CDH4: variants seen among roughly 807,000 people sequenced by gnomAD.
CDH4 encodes the protein cadherin-4.
Under a neutral mutation model 86.0 loss-of-function variants are expected in CDH4, and 33 were observed. The ratio of observed to expected loss-of-function variants is 0.38; its 90% CI spans 0.29 to 0.51. The LOEUF is 0.51. Ranked by LOEUF, CDH4 falls within the 20% of genes least tolerant of loss-of-function variation. The probability of loss-of-function intolerance (pLI) is 0.86; values close to 1 mark genes in which losing one functional copy is unlikely to be tolerated. For synonymous variants in CDH4, 555 were observed against 549.4 expected (o/e 1.01, Z -0.14); for missense variants, 1,114 against 1,307.4 (o/e 0.85, Z 2.28).
At chr20:61,910,254 G>C (rs949498656) in intron 8 of CDH4, among the ~76,000 whole-genome samples, 168 bp from the exon 9 acceptor site, 1 of 149,736 alleles carries the variant, frequency 6.7e-6, no homozygotes, top group Non-Finnish European at 1.5e-5. Flanking sequence ...GTGAACACTC[G>C]TTGAGCTGGG....
intron 2 of CDH4, among the ~76,000 whole-genome samples, chr20:61,382,656 C>T (rs6121652): frequency 4.6e-5 from 7 of 152,006 alleles, no homozygotes; most frequent in Non-Finnish European, 5.9e-5. Context: ...CTGAAGCTTC[C>T]GGGGAGGCCC....
chr20:61,256,720 G>T (rs975336928), intron 2 of CDH4, among the ~76,000 whole-genome samples: 1 of 152,200 alleles, frequency 6.6e-6, no homozygotes. Context: ...CCAGCCCAGG[G>T]CTGGTTCAGG....
chr20:61,662,343 A>G (rs549654125), intron 2 of CDH4, among the ~76,000 whole-genome samples: 1 of 152,370 alleles, frequency 6.6e-6, no homozygotes, highest in African/African-American at 2.4e-5. Context: ...CGCACAGCGC[A>G]ACCTCTGTCA....
intron 2 of CDH4, among the ~76,000 whole-genome samples, chr20:61,579,210 C>A (rs111938635): frequency 6.6e-6 from 1 of 152,132 alleles, no homozygotes; most frequent in Admixed American, 6.6e-5. Context: ...CACTTTACCC[C>A]ACTCGAGCAG....
intron 2 of CDH4, among the ~76,000 whole-genome samples, chr20:61,711,492 G>C (rs761335345): frequency 6.6e-6 from 1 of 152,166 alleles, no homozygotes; most frequent in Admixed American, 6.5e-5. Flanking sequence ...CCTGTGTTCC[G>C]ACTCTGCCTT....
intron 2 of CDH4, among the ~76,000 whole-genome samples, chr20:61,389,934 G>A (rs543082025): frequency 1.4e-5 from 2 of 146,686 alleles, no homozygotes; most frequent in East Asian, 2.0e-4. Context: ...ACCCCGATTG[G>A]GTTCGTGCGG....
intron 2 of CDH4, among the ~76,000 whole-genome samples, chr20:61,705,531 A>G (rs767862740): frequency 2.0e-5 from 3 of 152,030 alleles, no homozygotes; most frequent in African/African-American, 2.4e-5. Flanking sequence ...TCCTCGGCCC[A>G]TGGCCATTCA....
intron 4 of CDH4, among the ~76,000 whole-genome samples, chr20:61,799,661 C>T (rs1056725114): frequency 6.6e-6 from 1 of 152,196 alleles, no homozygotes; most frequent in Non-Finnish European, 1.5e-5. Flanking sequence ...GCTGGGGTAT[C>T]TGCACAAAGG....
At chr20:61,772,204 C>T (rs368039002) in intron 3 of CDH4, among the ~76,000 whole-genome samples, 6 of 152,314 alleles carry the variant, frequency 3.9e-5, no homozygotes, top group African/African-American at 1.4e-4. Context: ...CTTTGCCCCA[C>T]GTCACATGAG....
chr20:61,877,836 A>C (rs1042650929), intron 7 of CDH4, among the ~76,000 whole-genome samples: 6 of 152,130 alleles, frequency 3.9e-5, no homozygotes, highest in African/African-American at 4.8e-5. Flanking sequence ...GGGGACGGTC[A>C]TGGGGCTGGA....
In CDH4 at chr20:61,427,393, G is replaced by A. The variant is rs993625714; in HGVS notation, c.169+172456G>A. ...GGCCAGAGGCATTAGCAATTTTTCTGCAGGGGTTTTTAGAGGCTGTGGCAT... is the reference window on the plus strand; with the variant it reads ...GGCCAGAGGCATTAGCAATTTTTCTACAGGGGTTTTTAGAGGCTGTGGCAT... On this transcript the variant is annotated intron_variant, in intron 2 of 15. Transcript: ENST00000614565. Among the ~76,000 whole-genome samples the A allele has an allele frequency of 9.8e-5, 15 of 152,326 alleles. 1 individual carries two copies. The South Asian group carries it at 2.7e-3, about 27-fold the overall frequency.
intron 2 of CDH4, among the ~76,000 whole-genome samples, chr20:61,537,505 A>G (rs1448315189): frequency 6.6e-6 from 1 of 152,160 alleles, no homozygotes; most frequent in Non-Finnish European, 1.5e-5. Context: ...TGCCCTCATC[A>G]AGAGCTCTCT....
intron 2 of CDH4, among the ~76,000 whole-genome samples, chr20:61,376,002 C>A (rs2084869397): frequency 9.4e-6 from 1 of 106,582 alleles, no homozygotes; most frequent in African/African-American, 3.9e-5. Flanking sequence ...GTGTGATGGT[C>A]TTGGTGGTGG....
chr20:61,783,722 G>A (rs72658790), intron 4 of CDH4, among the ~76,000 whole-genome samples: 18,607 of 55,422 alleles, frequency 0.34, 4,843 homozygotes, highest in East Asian at 0.68. Flanking sequence ...ACAGTTCTCC[G>A]GGCCCTCAGA....
chr20:61,733,422 C>T (rs1052953661), intron 2 of CDH4, among the ~76,000 whole-genome samples: 2 of 152,254 alleles, frequency 1.3e-5, no homozygotes, highest in African/African-American at 4.8e-5. Context: ...ACTCTTGCTC[C>T]GACTTTCTGG....
At chr20:61,859,382 G>A (rs183363570) in intron 6 of CDH4, among the ~76,000 whole-genome samples, 16 of 152,284 alleles carry the variant, frequency 1.1e-4, no homozygotes, top group South Asian at 2.1e-4. Flanking sequence ...CTTTGCGAGC[G>A]AAAGTGTTTA....
intron 11 of CDH4, 94 bp downstream of exon 11, chr20:61,924,570 G>A: frequency 7.2e-7 from 1 of 1,387,350 alleles, no homozygotes; most frequent in South Asian, 1.3e-5. Context: ...GAGACCCCGA[G>A]AGGCCAGCAG....
At chr20:61,868,464 G>A (rs575116873) in intron 6 of CDH4, among the ~76,000 whole-genome samples, 141 of 152,222 alleles carry the variant, frequency 9.3e-4, no homozygotes, top group African/African-American at 3.1e-3. Flanking sequence ...GTGGGGACCC[G>A]GACAGCTCCA....
chr20:61,585,473 T>C (rs1313829563), intron 2 of CDH4, among the ~76,000 whole-genome samples: 4 of 152,278 alleles, frequency 2.6e-5, no homozygotes, highest in Non-Finnish European at 5.9e-5. Flanking sequence ...CCTATTATTT[T>C]GTGCCATTTC....
Sources: gnomAD v4.1 joint callset for allele counts (sites outside exome capture counted in the v4.1 genomes callset) on GRCh38, gnomAD v4.1.1 for gene constraint, MANE v1.5 for transcripts, NCBI Gene and HGNC (gene_info 2026-07-23, HGNC 2026-07-21) for gene names.